SGCD: variants seen among roughly 807,000 people sequenced by gnomAD.
The protein encoded by SGCD is sarcoglycan delta, also known as delta-sarcoglycan.
SGCD carries 18 observed loss-of-function variants against 36.6 expected under a neutral mutation model. The observed-to-expected ratio is 0.49, with a 90% CI of 0.34 to 0.73. SGCD has a LOEUF of 0.73. Among genes scored for constraint, SGCD ranks in the 30% least tolerant of loss-of-function variants. The pLI is 0.01. For synonymous variants in SGCD, 133 were observed against 130.6 expected (o/e 1.02, Z -0.12); for missense variants, 387 against 346.7 (o/e 1.12, Z -0.92).
At chr5:155,819,373 C>T in the SGCD span, among the ~76,000 whole-genome samples, 3 of 151,930 alleles carry the variant, frequency 2.0e-5, no homozygotes, top group Non-Finnish European at 4.4e-5. Flanking sequence ...GAATTCAACA[C>T]GACTTAATTA....
chr5:156,483,607 T>G (rs1755534577), intron 3 of SGCD, among the ~76,000 whole-genome samples: 1 of 152,222 alleles, frequency 6.6e-6, no homozygotes, highest in African/African-American at 2.4e-5. Context: ...TGGGGTGCAT[T>G]CGGATTATTT....
chr5:156,456,420 C>T (rs562546342), intron 3 of SGCD, among the ~76,000 whole-genome samples: 1 of 152,248 alleles, frequency 6.6e-6, no homozygotes, highest in South Asian at 2.1e-4. Context: ...AAGGAGCGTG[C>T]TATTGGACAC....
At chr5:156,195,563 T>A (rs1764004697) in intron 3 of SGCD, among the ~76,000 whole-genome samples, 1 of 152,194 alleles carries the variant, frequency 6.6e-6, no homozygotes, top group Admixed American at 6.5e-5. Context: ...TCCCTCACTA[T>A]CCAGTAATAT....
intron 3 of SGCD, among the ~76,000 whole-genome samples, chr5:156,404,611 C>T (rs1005500376): frequency 6.6e-6 from 1 of 152,226 alleles, no homozygotes; most frequent in Admixed American, 6.5e-5. Flanking sequence ...GAGCACCTGA[C>T]TGACCAGCTT....
At chr5:156,611,750 C>G (rs1324981602) in intron 6 of SGCD, among the ~76,000 whole-genome samples, 1 of 152,180 alleles carries the variant, frequency 6.6e-6, no homozygotes, top group East Asian at 1.9e-4. Flanking sequence ...TCTCATAAAT[C>G]TTGTTGGCTA....
intron 1 of SGCD, among the ~76,000 whole-genome samples, chr5:156,022,730 A>G (rs1373420587): frequency 6.6e-6 from 1 of 152,180 alleles, no homozygotes; most frequent in Admixed American, 6.5e-5. Flanking sequence ...ATTGTTTTAA[A>G]TACAATATTC....
chr5:155,795,954 T>C, the SGCD span, among the ~76,000 whole-genome samples: 1 of 152,172 alleles, frequency 6.6e-6, no homozygotes, highest in Non-Finnish European at 1.5e-5. Context: ...ACCATTGTTT[T>C]AAAATATTTA....
chr5:155,776,177 T>C, the SGCD span, among the ~76,000 whole-genome samples: 1 of 152,276 alleles, frequency 6.6e-6, no homozygotes, highest in South Asian at 2.1e-4. Flanking sequence ...GCCTTTATTT[T>C]TCTTAATGAT....
intron 4 of SGCD, among the ~76,000 whole-genome samples, chr5:156,514,234 T>TA (rs1329297389): frequency 6.6e-6 from 1 of 152,260 alleles, no homozygotes; most frequent in Non-Finnish European, 1.5e-5. Flanking sequence ...AGAGGCTTTT[T>TA]ACCTCACATC....
chr5:156,146,292 C>T (rs1762709831), intron 3 of SGCD, among the ~76,000 whole-genome samples: 1 of 152,186 alleles, frequency 6.6e-6, no homozygotes, highest in South Asian at 2.1e-4. Flanking sequence ...TAAACATCAT[C>T]TTAGCATACT....
chr5:155,932,956 TG>T (rs1561654355), intron 1 of SGCD, among the ~76,000 whole-genome samples: 1 of 152,188 alleles, frequency 6.6e-6, no homozygotes, highest in East Asian at 1.9e-4. Flanking sequence ...ATGTCAGGGC[TG>T]GGAAAGACCT....
At chr5:155,749,505 A>G in the SGCD span, among the ~76,000 whole-genome samples, 1 of 152,210 alleles carries the variant, frequency 6.6e-6, no homozygotes, top group Non-Finnish European at 1.5e-5. Flanking sequence ...TTGTCTATTT[A>G]CATACATTTG....
chr5:156,745,840 A>G (rs1051613291), intron 7 of SGCD, among the ~76,000 whole-genome samples: 2 of 152,190 alleles, frequency 1.3e-5, no homozygotes, highest in Admixed American at 6.5e-5. Flanking sequence ...ATATGAACAT[A>G]TATCTGAAGA....
chr5:156,655,912 A>AT (rs1763654197), intron 7 of SGCD, among the ~76,000 whole-genome samples: 1 of 152,008 alleles, frequency 6.6e-6, no homozygotes, highest in African/African-American at 2.4e-5. Context: ...TCAGTTTTGC[A>AT]TATGTATTTT....
chr5:156,173,089 T>A (rs928137954), intron 3 of SGCD, among the ~76,000 whole-genome samples: 1 of 152,086 alleles, frequency 6.6e-6, no homozygotes, highest in African/African-American at 2.4e-5. Context: ...TTAACTATTT[T>A]AAAAAATCTC....
At chr5:155,780,991 T>C in the SGCD span, among the ~76,000 whole-genome samples, 1 of 151,914 alleles carries the variant, frequency 6.6e-6, no homozygotes, top group African/African-American at 2.4e-5. Context: ...CACCATGCTG[T>C]CTTATTTTTC....
At chr5:156,607,114 G>C (rs1441479887) in intron 6 of SGCD, among the ~76,000 whole-genome samples, 3 of 152,122 alleles carry the variant, frequency 2.0e-5, no homozygotes, top group African/African-American at 4.8e-5. Flanking sequence ...GGGCATCCCT[G>C]TCTTGTGCCA....
chr5:156,273,815 G>A (rs1344683073), intron 3 of SGCD, among the ~76,000 whole-genome samples: 1 of 152,152 alleles, frequency 6.6e-6, no homozygotes, highest in Non-Finnish European at 1.5e-5. Flanking sequence ...TTTAAAAAAA[G>A]TCCTTGTAGC....
intron 3 of SGCD, among the ~76,000 whole-genome samples, chr5:156,501,864 TCAGGATCATCA>T (rs1257550755): frequency 6.6e-6 from 1 of 152,174 alleles, no homozygotes; most frequent in Non-Finnish European, 1.5e-5. Context: ...TTTACAGACT[TCAGGATCATCA>T]CTGGACAGCG....
Sources: allele counts gnomAD v4.1 joint callset (sites outside exome capture counted in the v4.1 genomes callset), GRCh38; gene constraint gnomAD v4.1.1; transcripts MANE v1.5; gene names NCBI Gene and HGNC (gene_info 2026-07-23, HGNC 2026-07-21).